The following KIF21A variants were observed in gnomAD, a reference collection of about 807,000 sequenced individuals.
KIF21A encodes the protein kinesin family member 21A.
A neutral mutation model predicts 202.9 loss-of-function variants in KIF21A; 114 were observed. The observed-to-expected ratio is 0.56, with a 90% CI of 0.48 to 0.66. The LOEUF is 0.66. KIF21A is among the 30% of genes least tolerant of loss of function. The probability of loss-of-function intolerance (pLI) is 0.00; values close to 1 mark genes in which losing one functional copy is unlikely to be tolerated. For synonymous variants in KIF21A, 667 were observed against 670.8 expected (o/e 0.99, Z 0.09); for missense variants, 1,677 against 1,994.9 (o/e 0.84, Z 3.04).
intron 17 of KIF21A, among the ~76,000 whole-genome samples, chr12:39,335,478 A>G (rs1946885963): frequency 6.6e-6 from 1 of 151,956 alleles, no homozygotes; most frequent in Admixed American, 6.6e-5. Context: ...ATTTATATGC[A>G]ATGTCCACAG....
intron 10 of KIF21A, among the ~76,000 whole-genome samples, chr12:39,352,781 T>G (rs977114300): frequency 6.6e-6 from 1 of 152,172 alleles, no homozygotes; most frequent in Non-Finnish European, 1.5e-5. Context: ...AAAAATTCTT[T>G]TGTTTGCTCA....
intron 25 of KIF21A, 31 bp from the exon 26 acceptor site, chr12:39,325,924 T>C (rs201270925): frequency 2.5e-6 from 4 of 1,570,138 alleles, no homozygotes; most frequent in Non-Finnish European, 3.5e-6. Flanking sequence ...AAGCACAAGA[T>C]TAAATAGAAA....
intron 27 of KIF21A, among the ~76,000 whole-genome samples, chr12:39,320,803 C>T (rs910935840): frequency 7.3e-5 from 11 of 151,306 alleles, no homozygotes; most frequent in Admixed American, 4.6e-4. Flanking sequence ...AGTGTGGTGG[C>T]GGGCACCTGT....
intron 1 of KIF21A, among the ~76,000 whole-genome samples, chr12:39,391,932 G>A (rs778765711): frequency 2.0e-5 from 3 of 152,058 alleles, no homozygotes; most frequent in South Asian, 2.1e-4. Flanking sequence ...TAGAGACGGG[G>A]TTTCACCATC....
At chr12:39,318,980 CAAAA>C (rs547322135) in intron 28 of KIF21A, among the ~76,000 whole-genome samples, 1 of 86,368 alleles carries the variant, frequency 1.2e-5, no homozygotes. Flanking sequence ...GACTCCGTCT[CAAAA>C]AAAAAAAAAA....
chr12:39,340,056 G>T, intron 16 of KIF21A, 109 bp downstream of exon 16: 1 of 816,238 alleles, frequency 1.2e-6, no homozygotes, highest in Non-Finnish European at 2.0e-6. Flanking sequence ...TTGTAAGATT[G>T]GGTTACCTTT....
rs1942057312 is a variant in KIF21A, at chr12:39,293,872, C to A, written c.*552G>T. 6.5e-6 allele frequency: 1 copy of A among 154,978 alleles called. No homozygotes were observed. The highest frequency in any genetic ancestry group is 2.0e-4 in the South Asian group (1 of 4,984). The allele number at this position is 154,978 out of a possible 1,614,324, so 9.6% of individuals were successfully genotyped here. On this transcript the variant is annotated 3_prime_UTR_variant, in exon 38 of 38. Coordinates refer to ENST00000361418, the MANE Select transcript of KIF21A (RefSeq NM_001173464.2). ...CTCTGTTAGTAGATTAAGATCAATTCCACCTTATGAAAATTCATCAATAAT... is the reference window on the plus strand; with the variant it reads ...CTCTGTTAGTAGATTAAGATCAATTACACCTTATGAAAATTCATCAATAAT...
At chr12:39,409,197 T>G (rs548088794) in intron 1 of KIF21A, among the ~76,000 whole-genome samples, 1 of 151,720 alleles carries the variant, frequency 6.6e-6, no homozygotes, top group South Asian at 2.1e-4. Flanking sequence ...AAGACAAGCT[T>G]AGAGATGTAA....
At chr12:39,433,787 G>A (rs17127138) in intron 1 of KIF21A, among the ~76,000 whole-genome samples, 14,893 of 152,086 alleles carry the variant, frequency 0.098, 749 homozygotes, top group East Asian at 0.14. Context: ...AGAGCAGTAT[G>A]GCATGTAATT....
chr12:39,294,960 G>T lies in KIF21A; in HGVS notation c.4932-443C>A, dbSNP rs181509997. Among the ~76,000 whole-genome samples the T allele has an allele frequency of 2.5e-3, 385 of 152,324 alleles. 1 individual carries two copies. The highest frequency in any genetic ancestry group is 0.012 in the South Asian group (56 of 4,820). ...TATGTGATTTGACACAGTGTCAGAA[G>T]GCTTCAGTCAAAACAGCCTGCAGGT... On this transcript the variant is annotated intron_variant, in intron 37 of 37. Transcript: ENST00000361418.
At position 39,367,171 on chromosome 12, in the gene KIF21A, A is replaced by T. The variant is rs1949658327; in HGVS notation, c.601-7T>A. ...ACTTCAAACACTGCATCATCTGAAAAAGGGGAAGAAACAAGGACTTTACTT... is the reference window on the plus strand; with the variant it reads ...ACTTCAAACACTGCATCATCTGAAATAGGGGAAGAAACAAGGACTTTACTT... On this transcript the variant is annotated splice_region_variant and splice_polypyrimidine_tract_variant and intron_variant, in intron 4 of 37. Coordinates refer to ENST00000361418, the MANE Select transcript of KIF21A (RefSeq NM_001173464.2). 6.2e-7 allele frequency: 1 copy of T among 1,613,764 alleles called. No individual in the cohort carries two copies. Among genetic ancestry groups the T allele is most frequent in the African/African-American group, 1.3e-5 (1 of 74,904 alleles).
rs1438849416 is a variant in KIF21A, at chr12:39,293,702, T to C, written c.*722A>G. 6.6e-6 allele frequency: 1 copy of C among 152,220 alleles called. No individual in the cohort carries two copies. Among genetic ancestry groups the C allele is most frequent in the African/African-American group, 2.4e-5 (1 of 41,260 alleles). The allele number at this position is 152,220 out of a possible 1,614,324, so 9.4% of individuals were successfully genotyped here. A position where few individuals can be genotyped will look rare whatever the true frequency, so the allele number is the denominator to read the frequency against. On this transcript the variant is annotated 3_prime_UTR_variant, in exon 38 of 38. Coordinates refer to ENST00000361418, the MANE Select transcript of KIF21A (RefSeq NM_001173464.2). ...TATTTCTGTTAGGACATCAACAATG[T>C]TTCCCATCACAGAATATATGCACAG...
At chr12:39,352,016 T>G in intron 10 of KIF21A, 36 bp from the exon 11 acceptor site, 1 of 1,439,262 alleles carries the variant, frequency 6.9e-7, no homozygotes, top group Non-Finnish European at 9.8e-7. Flanking sequence ...AGGGAGCATT[T>G]TTCTCTGTGG....
intron 5 of KIF21A, 132 bp downstream of exon 5, chr12:39,366,898 G>T: frequency 1.1e-6 from 1 of 910,770 alleles, no homozygotes; most frequent in Non-Finnish European, 1.7e-6. Context: ...AACTTAACTA[G>T]GATCAGAAAA....
intron 1 of KIF21A, among the ~76,000 whole-genome samples, chr12:39,384,045 G>A (rs192803138): frequency 4.5e-4 from 69 of 152,180 alleles, no homozygotes; most frequent in African/African-American, 1.5e-3. Flanking sequence ...AAAATAGATG[G>A]AAGACATCAG....
At chr12:39,351,271 T>G (rs1442732942) in intron 11 of KIF21A, among the ~76,000 whole-genome samples, 2 of 152,020 alleles carry the variant, frequency 1.3e-5, no homozygotes, top group Non-Finnish European at 2.9e-5. Context: ...CATAAATAAT[T>G]TTCACATAAT....
Position 39,366,483 on chromosome 12 carries a change from G to A in KIF21A, c.770C>T (p.Ser257Leu). 1 of 1,611,758 alleles carries A rather than the reference G, an allele frequency of 6.2e-7. No homozygotes were observed. Among genetic ancestry groups the A allele is most frequent in the Non-Finnish European group, 8.5e-7 (1 of 1,178,014 alleles). ...GGTTTCAAATTCATTCATCTGTGCTGATTCAGAAATAATTTTATTATCAGT... is the reference window on the plus strand; with the variant it reads ...GGTTTCAAATTCATTCATCTGTGCTAATTCAGAAATAATTTTATTATCAGT... ...NATDNKIISE[S>L]AQMNEFETLT... The change falls in exon 6 of 38, where the codon TCA becomes TTA. Residue 257 changes from serine to leucine, a missense_variant. By Grantham distance (145) the Ser-to-Leu change is moderately radical. Coordinates refer to ENST00000361418, the MANE Select transcript of KIF21A (RefSeq NM_001173464.2).
At chr12:39,343,005 A>G (rs145544995) in intron 12 of KIF21A, among the ~76,000 whole-genome samples, 1 of 152,320 alleles carries the variant, frequency 6.6e-6, no homozygotes, top group East Asian at 1.9e-4. Context: ...ACTATTGATC[A>G]CTAGACTCAC....
chr12:39,386,809 G>C (rs766500992), intron 1 of KIF21A, among the ~76,000 whole-genome samples: 3 of 152,040 alleles, frequency 2.0e-5, no homozygotes, highest in Non-Finnish European at 1.5e-5. Flanking sequence ...GGCTTTATAG[G>C]GTTTAAAAGC....
Sources: gnomAD v4.1 joint callset for allele counts (sites outside exome capture counted in the v4.1 genomes callset) on GRCh38, gnomAD v4.1.1 for gene constraint, MANE v1.5 for transcripts, NCBI Gene and HGNC (gene_info 2026-07-23, HGNC 2026-07-21) for gene names.